LINGO2: variants seen among roughly 807,000 people sequenced by gnomAD.
The protein encoded by LINGO2 is leucine-rich repeat and immunoglobulin-like domain-containing nogo receptor-interacting protein 2.
A neutral mutation model predicts 30.6 loss-of-function variants in LINGO2; 14 were observed. The observed-to-expected ratio is 0.46, with a 90% CI of 0.30 to 0.72. LINGO2 has a LOEUF of 0.72. LINGO2 is among the 30% of genes least tolerant of loss of function. The probability of loss-of-function intolerance (pLI) is 0.07; values close to 1 mark genes in which losing one functional copy is unlikely to be tolerated. For missense variants in LINGO2, 729 were observed against 751.7 expected (o/e 0.97, Z 0.35); for synonymous variants, 317 against 288.5 (o/e 1.10, Z -1.00).
chr9:29,064,582 A>G, the LINGO2 span, among the ~76,000 whole-genome samples: 64 of 152,186 alleles, frequency 4.2e-4, no homozygotes, highest in African/African-American at 1.5e-3. Flanking sequence ...CCTCTTTTAC[A>G]TATGTTTCTA....
intron 4 of LINGO2, among the ~76,000 whole-genome samples, chr9:28,286,973 T>C (rs1051787459): frequency 6.6e-6 from 1 of 152,130 alleles, no homozygotes; most frequent in Non-Finnish European, 1.5e-5. Flanking sequence ...TAAAAAAATA[T>C]ATAGAAGTGT....
At chr9:28,111,980 A>C (rs189664295) in intron 4 of LINGO2, among the ~76,000 whole-genome samples, 2 of 144,388 alleles carry the variant, frequency 1.4e-5, no homozygotes, top group African/African-American at 2.6e-5. Flanking sequence ...ACATATGTAT[A>C]CATGTGCCAT....
intron 2 of LINGO2, among the ~76,000 whole-genome samples, chr9:28,389,388 T>C (rs1821732712): frequency 1.3e-5 from 2 of 152,198 alleles, no homozygotes; most frequent in Admixed American, 1.3e-4. Context: ...TAACCACAGA[T>C]TGGAAGCTAC....
the LINGO2 span, among the ~76,000 whole-genome samples, chr9:29,188,963 A>AC: frequency 0.066 from 7,834 of 118,576 alleles, 276 homozygotes; most frequent in Admixed American, 0.1. Flanking sequence ...CGGGGGGCTG[A>AC]CCCCCCCACC....
chr9:28,682,751 T>C, the LINGO2 span, among the ~76,000 whole-genome samples: 2 of 152,094 alleles, frequency 1.3e-5, no homozygotes, highest in Admixed American at 6.6e-5. Context: ...ATTATGGATA[T>C]TGATATGCTT....
chr9:28,331,632 A>C (rs1004198168), intron 3 of LINGO2, among the ~76,000 whole-genome samples: 1 of 152,090 alleles, frequency 6.6e-6, no homozygotes, highest in Non-Finnish European at 1.5e-5. Context: ...TAGTCTCCCA[A>C]GTAGTTGGGA....
chr9:27,969,989 A>G (rs1054578942), intron 5 of LINGO2, among the ~76,000 whole-genome samples: 2 of 152,146 alleles, frequency 1.3e-5, no homozygotes, highest in Admixed American at 1.3e-4. Context: ...TTATTATACA[A>G]TTTACTAGTT....
chr9:28,431,656 A>G (rs1406116661), intron 2 of LINGO2, among the ~76,000 whole-genome samples: 2 of 152,172 alleles, frequency 1.3e-5, no homozygotes, highest in Non-Finnish European at 2.9e-5. Context: ...AGTTACGGTC[A>G]TTCTCCCAGT....
intron 1 of LINGO2, among the ~76,000 whole-genome samples, chr9:28,478,842 T>C (rs1241273873): frequency 2.0e-5 from 3 of 152,078 alleles, no homozygotes; most frequent in African/African-American, 7.2e-5. Context: ...CAGACACCTT[T>C]AAATTTAATA....
chr9:29,192,052 C>T, the LINGO2 span, among the ~76,000 whole-genome samples: 1 of 152,076 alleles, frequency 6.6e-6, no homozygotes, highest in African/African-American at 2.4e-5. Context: ...AAACTAATTA[C>T]TAATATACTA....
the LINGO2 span, among the ~76,000 whole-genome samples, chr9:29,015,563 G>A: frequency 6.6e-6 from 1 of 152,072 alleles, no homozygotes; most frequent in Non-Finnish European, 1.5e-5. Flanking sequence ...AAAATAGACA[G>A]CAGGTCAGAT....
intron 1 of LINGO2, among the ~76,000 whole-genome samples, chr9:28,624,879 T>A (rs1384659854): frequency 6.6e-6 from 1 of 151,198 alleles, no homozygotes; most frequent in Admixed American, 6.6e-5. Context: ...TACTGTTCAC[T>A]CTCCTCTCCT....
At chr9:28,830,159 G>A in the LINGO2 span, among the ~76,000 whole-genome samples, 1 of 152,070 alleles carries the variant, frequency 6.6e-6, no homozygotes, top group South Asian at 2.1e-4. Flanking sequence ...ATGAGAGAAG[G>A]GGACATTTTA....
At chr9:28,552,577 A>G (rs1822355721) in intron 1 of LINGO2, among the ~76,000 whole-genome samples, 1 of 151,786 alleles carries the variant, frequency 6.6e-6, no homozygotes, top group African/African-American at 2.4e-5. Context: ...AGGACTGGGA[A>G]CATGGTCACA....
At chr9:28,824,489 G>C in the LINGO2 span, among the ~76,000 whole-genome samples, 2 of 152,282 alleles carry the variant, frequency 1.3e-5, no homozygotes, top group South Asian at 2.1e-4. Flanking sequence ...TTTTGTACCA[G>C]AGCACATGCA....
At chr9:28,759,526 C>CA in the LINGO2 span, among the ~76,000 whole-genome samples, 1 of 151,500 alleles carries the variant, frequency 6.6e-6, no homozygotes, top group Non-Finnish European at 1.5e-5. Context: ...ACTAAAAATA[C>CA]AAAAAATTAG....
intron 4 of LINGO2, among the ~76,000 whole-genome samples, chr9:28,221,808 A>G (rs968526700): frequency 2.6e-5 from 4 of 152,192 alleles, no homozygotes; most frequent in African/African-American, 9.6e-5. Flanking sequence ...TCACTGATAT[A>G]CCAAGTTATC....
chr9:28,708,360 T>C, the LINGO2 span, among the ~76,000 whole-genome samples: 45 of 152,252 alleles, frequency 3.0e-4, no homozygotes, highest in South Asian at 9.1e-3. Flanking sequence ...GCTCCTTTGT[T>C]CCCCATCTGA....
chr9:29,082,674 T>A, the LINGO2 span, among the ~76,000 whole-genome samples: 2 of 151,966 alleles, frequency 1.3e-5, no homozygotes, highest in Admixed American at 6.6e-5. Context: ...ATTTTTGCAA[T>A]CTACTCATCT....
Sources: allele counts gnomAD v4.1 joint callset (sites outside exome capture counted in the v4.1 genomes callset), GRCh38; gene constraint gnomAD v4.1.1; transcripts MANE v1.5; gene names NCBI Gene and HGNC (gene_info 2026-07-23, HGNC 2026-07-21).